Variants in MGST1 observed in about 807,000 individuals in gnomAD.
MGST1 encodes microsomal glutathione S-transferase 1.
MGST1 carries 5 observed loss-of-function variants against 8.9 expected under a neutral mutation model. The observed-to-expected ratio is 0.56, with a 90% CI of 0.29 to 1.19. MGST1 has a LOEUF of 1.19. MGST1 is among the 50% of genes most tolerant of loss of function. MGST1 has a pLI of 0.08. For synonymous variants in MGST1, 54 were observed against 67.8 expected, an observed-to-expected ratio of 0.80 and a Z score of 1.00; for missense variants, 182 against 187.4, an observed-to-expected ratio of 0.97 and a Z score of 0.17.
chr12:16,565,580 A>G (rs1221956672), intron 4 of MGST1, among the ~76,000 whole-genome samples: 1 of 152,224 alleles, frequency 6.6e-6, no homozygotes, highest in Non-Finnish European at 1.5e-5. Context: ...TGAACATTTT[A>G]GAATGTACAT....
In MGST1 at chr12:16,458,866, A is replaced by C. The variant is rs1941198213; in HGVS notation, n.482+75262A>C. On this transcript the variant is annotated intron_variant and non_coding_transcript_variant, in intron 4 of 4. Transcript: ENST00000538857. The surrounding 1 kb of genome is among the most constrained non-coding windows in gnomAD (Gnocchi z 4.0). ...CTTGAAGTCTCCATGTTCAGTGATA[A>C]GTAGTGGCTTGTTAGGAAAGCTATA... Among the ~76,000 whole-genome samples the C allele has an allele frequency of 6.6e-6, 1 of 152,014 alleles. No homozygotes were observed. The highest frequency in any genetic ancestry group is 1.5e-5 in the Non-Finnish European group (1 of 67,972).
At chr12:16,400,079 T>C (rs1940641364) in intron 1 of MGST1, 5 of 1,579,172 alleles carry the variant, frequency 3.2e-6, no homozygotes, top group South Asian at 1.1e-5. Context: ...ACTTTCTCCA[T>C]GAAATTCTAA....
intron 4 of MGST1, among the ~76,000 whole-genome samples, chr12:16,529,365 T>A (rs1429654667): frequency 1.3e-5 from 2 of 152,090 alleles, no homozygotes; most frequent in East Asian, 3.9e-4. Context: ...TTGACTTATT[T>A]TGTGCCTTCT....
At chr12:16,433,871 C>A (rs1419181235) in intron 1 of MGST1, among the ~76,000 whole-genome samples, 3 of 152,042 alleles carry the variant, frequency 2.0e-5, no homozygotes, top group Admixed American at 6.6e-5. Flanking sequence ...CTAATGTCTG[C>A]AGGGTTGATT....
At chr12:16,592,512 T>C (rs1323862720), downstream of MGST1, among the ~76,000 whole-genome samples, 1 of 151,978 alleles carries the variant, frequency 6.6e-6, no homozygotes, top group Non-Finnish European at 1.5e-5. Flanking sequence ...AAAATGCAAA[T>C]AACCTGCTCA....
chr12:16,526,644 T>C (rs1304516570), intron 4 of MGST1, among the ~76,000 whole-genome samples: 3 of 152,182 alleles, frequency 2.0e-5, no homozygotes, highest in African/African-American at 7.2e-5. Flanking sequence ...TAAAGGAATT[T>C]TGAGTCACAA....
intron 4 of MGST1, among the ~76,000 whole-genome samples, chr12:16,561,642 C>T (rs1942409876): frequency 6.6e-6 from 1 of 152,176 alleles, no homozygotes. Flanking sequence ...GTGCTGAAGT[C>T]TCTCATTACT....
chr12:16,428,079 T>C (rs1565452715), intron 1 of MGST1, among the ~76,000 whole-genome samples: 1 of 151,926 alleles, frequency 6.6e-6, no homozygotes, highest in Non-Finnish European at 1.5e-5. Flanking sequence ...AAAAAAATTA[T>C]TTTCCCAATC....
downstream of MGST1, among the ~76,000 whole-genome samples, chr12:16,592,743 AT>A (rs2079546999): frequency 6.6e-6 from 1 of 151,904 alleles, no homozygotes; most frequent in Admixed American, 6.6e-5. Context: ...TGATTCTTCT[AT>A]TTTTTGGTGA....
rs577724447 is a variant in MGST1 at position 16,482,354 on chromosome 12, C to T, written n.482+98750C>T. Among the ~76,000 whole-genome samples, 9 of 152,198 alleles carry T rather than the reference C, an allele frequency of 5.9e-5. No individual in the cohort carries two copies. The South Asian group carries it at 8.3e-4, about 14-fold the overall frequency. On this transcript the variant is annotated intron_variant and non_coding_transcript_variant, in intron 4 of 4. Transcript: ENST00000538857. The surrounding 1 kb of genome is among the most constrained non-coding windows in gnomAD (Gnocchi z 4.2). ...GAAGTATAAAAAAAAGAGCAAGGGCCGGGTGCAGTGGCTCACGCCTGTAAT... is the reference window on the plus strand; with the variant it reads ...GAAGTATAAAAAAAAGAGCAAGGGCTGGGTGCAGTGGCTCACGCCTGTAAT...
intron 4 of MGST1, among the ~76,000 whole-genome samples, chr12:16,466,753 ACT>A (rs949911689): frequency 6.6e-6 from 1 of 152,108 alleles, no homozygotes; most frequent in South Asian, 2.1e-4. Context: ...TAAATAATTA[ACT>A]CTCTATTTTC....
At chr12:16,420,783 A>AC (rs1011939737) in intron 1 of MGST1, among the ~76,000 whole-genome samples, 1 of 152,150 alleles carries the variant, frequency 6.6e-6, no homozygotes, top group African/African-American at 2.4e-5. Flanking sequence ...TCAACTGAGC[A>AC]CCTTTAACCA....
At chr12:16,399,843 C>G in intron 1 of MGST1, 1 of 1,226,220 alleles carries the variant, frequency 8.2e-7, no homozygotes, top group Non-Finnish European at 1.2e-6. Context: ...TTGCTGTAGT[C>G]CTTGTAGACA....
Position 16,497,208 on chromosome 12 carries a change from C to A in MGST1, n.483-92320C>A, listed in dbSNP as rs1263496985. 1.3e-5 allele frequency among the ~76,000 whole-genome samples: 2 copies of A among 152,146 alleles called. No individual in the cohort carries two copies. The highest frequency in any genetic ancestry group is 4.8e-5 in the African/African-American group (2 of 41,440). ...TCTTCTCAAGGGCTAGTCTTGAAATCAGATCCCACTGTTCACACGCTTTTC... is the reference window on the plus strand; with the variant it reads ...TCTTCTCAAGGGCTAGTCTTGAAATAAGATCCCACTGTTCACACGCTTTTC... On this transcript the variant is annotated intron_variant and non_coding_transcript_variant, in intron 4 of 4. Transcript: ENST00000538857. The surrounding 1 kb of genome is among the most constrained non-coding windows in gnomAD (Gnocchi z 4.4).
At chr12:16,501,504 T>A (rs946014650) in intron 4 of MGST1, among the ~76,000 whole-genome samples, 5 of 152,218 alleles carry the variant, frequency 3.3e-5, no homozygotes, top group Non-Finnish European at 7.3e-5. Flanking sequence ...GAAAACCTAT[T>A]TGGTGTAGAG....
intron 4 of MGST1, chr12:16,551,166 CA>C: frequency 8.8e-7 from 1 of 1,131,788 alleles, no homozygotes. Context: ...ACATGTGGAG[CA>C]AAAAAGATAA....
At chr12:16,590,046 T>C (rs1481986516), downstream of MGST1, among the ~76,000 whole-genome samples, 1 of 152,104 alleles carries the variant, frequency 6.6e-6, no homozygotes, top group Non-Finnish European at 1.5e-5. Context: ...CTTAGCCAAG[T>C]ATGCATGAAG....
intron 4 of MGST1, among the ~76,000 whole-genome samples, chr12:16,525,808 G>A (rs1327375991): frequency 4.0e-5 from 6 of 151,460 alleles, no homozygotes; most frequent in South Asian, 2.1e-4. Context: ...AGCACTTGTC[G>A]TTTCCTGACT....
At chr12:16,471,318 A>AT (rs538213434) in intron 4 of MGST1, among the ~76,000 whole-genome samples, 166 of 152,298 alleles carry the variant, frequency 1.1e-3, no homozygotes, top group African/African-American at 3.8e-3. Flanking sequence ...GGCACAACCC[A>AT]TTTTGCGGGG....
Sources: gnomAD v4.1 joint callset for allele counts (sites outside exome capture counted in the v4.1 genomes callset) on GRCh38, gnomAD v4.1.1 for gene constraint, Gnocchi (gnomAD v3.1) non-coding constraint, MANE v1.5 for transcripts, NCBI Gene and HGNC (gene_info 2026-07-23, HGNC 2026-07-21) for gene names.